Variants in ELAVL2 observed in about 807,000 individuals in gnomAD.
ELAVL2 encodes ELAV like RNA binding protein 2.
In ELAVL2, 4 loss-of-function variants were observed where a neutral mutation model predicts 34.6. The observed-to-expected ratio is 0.12, with a 90% CI of 0.06 to 0.26. The LOEUF (loss-of-function observed/expected upper bound fraction) is 0.26. Among genes scored for constraint, ELAVL2 ranks in the 10% least tolerant of loss-of-function variants. The pLI is 1.00. For synonymous variants in ELAVL2, 193 were observed against 154.8 expected (o/e 1.25, Z -1.83); for missense variants, 432 against 442.8 (o/e 0.98, Z 0.22).
intron 1 of ELAVL2, among the ~76,000 whole-genome samples, chr9:23,790,279 T>C (rs1341549510): frequency 6.6e-6 from 1 of 152,036 alleles, no homozygotes; most frequent in African/African-American, 2.4e-5. Flanking sequence ...AATACAAAAA[T>C]ATATGGAAAT....
chr9:23,702,972 A>AAAAC (rs2037927445), intron 4 of ELAVL2, among the ~76,000 whole-genome samples: 1 of 147,082 alleles, frequency 6.8e-6, no homozygotes, highest in Non-Finnish European at 1.5e-5. Context: ...AAAAAAAAAA[A>AAAAC]AAAAAAAAAC....
At chr9:23,810,048 TAAC>T (rs1169503571) in intron 1 of ELAVL2, among the ~76,000 whole-genome samples, 3 of 152,128 alleles carry the variant, frequency 2.0e-5, no homozygotes, top group Non-Finnish European at 4.4e-5. Context: ...TTCATAAACT[TAAC>T]AAGTTCAAAA....
At chr9:23,792,123 A>C (rs1032087344) in intron 1 of ELAVL2, among the ~76,000 whole-genome samples, 1 of 152,224 alleles carries the variant, frequency 6.6e-6, no homozygotes, top group African/African-American at 2.4e-5. Flanking sequence ...TCAGTAAATT[A>C]CATGAAACAT....
chr9:23,849,679 T>C, the ELAVL2 span: 3 of 152,364 alleles, frequency 2.0e-5, no homozygotes, highest in Admixed American at 2.0e-4. Flanking sequence ...TCAAGCCTAT[T>C]ACCATCCCAA....
At chr9:23,741,440 G>A (rs1040365556) in intron 2 of ELAVL2, among the ~76,000 whole-genome samples, 13 of 152,150 alleles carry the variant, frequency 8.5e-5, no homozygotes, top group Non-Finnish European at 1.6e-4. Flanking sequence ...AGATGCAGAT[G>A]TAAGACTGTA....
chr9:23,816,800 G>C (rs1053360897), intron 1 of ELAVL2, among the ~76,000 whole-genome samples: 7 of 152,186 alleles, frequency 4.6e-5, no homozygotes, highest in Admixed American at 2.0e-4. Flanking sequence ...GTTGCCAGAT[G>C]ATTTTGCCCA....
At chr9:23,839,285 A>C in the ELAVL2 span, among the ~76,000 whole-genome samples, 4 of 144,728 alleles carry the variant, frequency 2.8e-5, no homozygotes, top group Non-Finnish European at 6.0e-5. Context: ...ACTGTTTTGA[A>C]AAAAAAAAAC....
chr9:23,724,252 A>G (rs570368502), intron 3 of ELAVL2, among the ~76,000 whole-genome samples: 44 of 152,294 alleles, frequency 2.9e-4, no homozygotes, highest in Middle Eastern at 3.4e-3. Flanking sequence ...AGCAGGGGAC[A>G]CTGCCACCAA....
At chr9:23,800,313 C>T (rs1011081429) in intron 1 of ELAVL2, among the ~76,000 whole-genome samples, 4 of 152,180 alleles carry the variant, frequency 2.6e-5, no homozygotes, top group African/African-American at 9.7e-5. Flanking sequence ...TATTCCTCTT[C>T]TCAGCTTATT....
intron 2 of ELAVL2, among the ~76,000 whole-genome samples, chr9:23,737,831 G>C (rs1476669706): frequency 6.6e-6 from 1 of 152,158 alleles, no homozygotes; most frequent in South Asian, 2.1e-4. Flanking sequence ...TGCAACCTGA[G>C]GTTTAATAAT....
intron 3 of ELAVL2, among the ~76,000 whole-genome samples, chr9:23,726,320 A>C (rs1423291388): frequency 6.6e-6 from 1 of 152,122 alleles, no homozygotes; most frequent in Non-Finnish European, 1.5e-5. Flanking sequence ...AAGAAATTTC[A>C]TGATTGTATA....
intron 2 of ELAVL2, among the ~76,000 whole-genome samples, chr9:23,737,228 G>A (rs1438886663): frequency 1.3e-5 from 2 of 152,186 alleles, no homozygotes; most frequent in South Asian, 2.1e-4. Flanking sequence ...AACAAATGAA[G>A]GAGCAGCAGC....
intron 4 of ELAVL2, among the ~76,000 whole-genome samples, chr9:23,702,541 T>C (rs1431609436): frequency 6.6e-6 from 1 of 151,896 alleles, no homozygotes. Flanking sequence ...GAAATTTTTT[T>C]TGGCAAGTAA....
At chr9:23,794,462 C>A (rs1267772466) in intron 1 of ELAVL2, among the ~76,000 whole-genome samples, 3 of 152,180 alleles carry the variant, frequency 2.0e-5, no homozygotes, top group Non-Finnish European at 2.9e-5. Context: ...CTAAAAGCTT[C>A]TGAGGACAAC....
chr9:23,755,814 C>T (rs975793500), intron 2 of ELAVL2, among the ~76,000 whole-genome samples: 7 of 152,080 alleles, frequency 4.6e-5, no homozygotes, highest in African/African-American at 1.7e-4. Context: ...TATTAAGTTA[C>T]CACCCACCCA....
intron 1 of ELAVL2, among the ~76,000 whole-genome samples, chr9:23,812,801 C>G (rs897246174): frequency 2.7e-5 from 4 of 148,946 alleles, no homozygotes; most frequent in Non-Finnish European, 5.9e-5. Context: ...ATGCTTAAAA[C>G]TGCCAACATT....
intron 1 of ELAVL2, among the ~76,000 whole-genome samples, chr9:23,803,383 T>C (rs1238405363): frequency 1.3e-5 from 2 of 152,172 alleles, no homozygotes; most frequent in Non-Finnish European, 2.9e-5. Context: ...AATGCTTGAG[T>C]ATCTTATGAG....
intron 2 of ELAVL2, among the ~76,000 whole-genome samples, chr9:23,749,369 T>C (rs1052214009): frequency 2.0e-5 from 3 of 152,136 alleles, no homozygotes; most frequent in African/African-American, 7.2e-5. Flanking sequence ...CTCTGCTGAT[T>C]CACCTAATGG....
chr9:23,772,716 G>C (rs998685670), intron 1 of ELAVL2, among the ~76,000 whole-genome samples: 5 of 152,138 alleles, frequency 3.3e-5, no homozygotes, highest in Non-Finnish European at 5.9e-5. Flanking sequence ...AATACAGACA[G>C]CTTCCTTCTG....
Sources: allele counts gnomAD v4.1 joint callset (sites outside exome capture counted in the v4.1 genomes callset), GRCh38; gene constraint gnomAD v4.1.1; transcripts MANE v1.5; gene names NCBI Gene and HGNC (gene_info 2026-07-23, HGNC 2026-07-21).